Variants in TBX5 observed in about 807,000 individuals in gnomAD.
TBX5 encodes T-box transcription factor TBX5.
TBX5 carries 8 observed loss-of-function variants against 51.1 expected under a neutral mutation model. That is an observed-to-expected ratio of 0.16 (90% CI 0.09 to 0.28). The LOEUF (loss-of-function observed/expected upper bound fraction) is 0.28, where lower values mean the gene tolerates loss of function less well. Among genes scored for constraint, TBX5 ranks in the 10% least tolerant of loss-of-function variants. TBX5 has a pLI of 1.00. For synonymous variants in TBX5, 302 were observed against 266.4 expected, an observed-to-expected ratio of 1.13 and a Z score of -1.30; for missense variants, 589 against 671.7, an observed-to-expected ratio of 0.88 and a Z score of 1.36.
chr12:114,390,959 G>A (rs1327973835), intron 6 of TBX5, among the ~76,000 whole-genome samples: 1 of 152,166 alleles, frequency 6.6e-6, no homozygotes, highest in Non-Finnish European at 1.5e-5. Context: ...TCCAGCCCGA[G>A]ATCACAGCTG....
At chr12:114,408,159 C>G, upstream of TBX5, 1 of 985,366 alleles carries the variant, frequency 1.0e-6, no homozygotes, top group Non-Finnish European at 1.2e-6. Context: ...GGGGCAGCGG[C>G]GGGAGGTAAA....
Position 114,355,891 on chromosome 12 carries a change from T to G in TBX5, c.1198A>C (p.Thr400Pro). 1 of 1,613,756 alleles carries G rather than the reference T, an allele frequency of 6.2e-7. No homozygotes were observed. The highest frequency in any genetic ancestry group is 8.5e-7 in the Non-Finnish European group (1 of 1,180,020). The change falls in exon 9 of 9, where the codon ACG becomes CCG. Residue 400 changes from threonine (T) to proline (P), a missense_variant. Thr to Pro is a conservative substitution (Grantham distance 38). Coordinates refer to ENST00000405440, the MANE Select transcript of TBX5 (RefSeq NM_181486.4). ...CTGTAGGAAGGCATGCTTGGCCACG[T>G]GTTGCAGCTGATGTCCTCTAGGCTG... ...VPSLEDISCN[T>P]WPSMPSYSSC... is the part of the protein sequence containing the mutation.
At chr12:114,399,782 G>C in intron 3 of TBX5, 150 bp from the exon 4 acceptor site, 2 of 1,332,742 alleles carry the variant, frequency 1.5e-6, no homozygotes, top group Non-Finnish European at 2.1e-6. Context: ...GATCCATCCC[G>C]GGTTTCCCTT....
chr12:114,391,107 C>A (rs1159935950), intron 6 of TBX5, among the ~76,000 whole-genome samples: 1 of 152,234 alleles, frequency 6.6e-6, no homozygotes, highest in Non-Finnish European at 1.5e-5. Flanking sequence ...TCTGAAGGCA[C>A]TGGGCCCTTT....
rs945740210 is a variant in TBX5 at position 114,397,322 on chromosome 12, T to A, written c.510+1251A>T. 2.0e-5 allele frequency among the ~76,000 whole-genome samples: 3 copies of A among 152,258 alleles called. No individual in the cohort carries two copies. In the East Asian group the frequency reaches 5.8e-4, roughly 30 times the overall value. On this transcript the variant is annotated intron_variant, in intron 5 of 8. Transcript: ENST00000405440. ...GCTCCCAAATACAAGCTGTAGGACC[T>A]TGACAAGTCACCCCCGTCCCCTGGA... is the stretch of plus-strand genomic sequence containing the variant.
upstream of TBX5, among the ~76,000 whole-genome samples, chr12:114,406,516 G>C (rs1433338324): frequency 6.6e-6 from 1 of 152,052 alleles, no homozygotes; most frequent in East Asian, 1.9e-4. Context: ...TCTCTCCAAC[G>C]CTGACCTCGA....
At position 114,392,971 on chromosome 12, in the gene TBX5, C is replaced by T. The variant is rs563262234; in HGVS notation, c.663+1770G>A. 9.2e-5 allele frequency among the ~76,000 whole-genome samples: 14 copies of T among 152,300 alleles called. No homozygotes were observed. The East Asian group carries it at 2.7e-3, about 29-fold the overall frequency. ...GTTTTCTTTCCGAGGGCAGGAAGCTCTCTCTCGACCTGGGTTCCCAGACAG... is the reference window on the plus strand; with the variant it reads ...GTTTTCTTTCCGAGGGCAGGAAGCTTTCTCTCGACCTGGGTTCCCAGACAG... On this transcript the variant is annotated intron_variant, in intron 6 of 8. Transcript: ENST00000405440.
In TBX5 at chr12:114,385,872, G is replaced by A. The variant is rs139621192; in HGVS notation, c.664-305C>T. On this transcript the variant is annotated intron_variant, in intron 6 of 8. Coordinates refer to ENST00000405440, the MANE Select transcript of TBX5 (RefSeq NM_181486.4). ...TTTTTTTTCCAATCTTGCATTTTGTGTTTTAAACACCATCTAGGCCTCAAT... is the reference window on the plus strand; with the variant it reads ...TTTTTTTTCCAATCTTGCATTTTGTATTTTAAACACCATCTAGGCCTCAAT... Among the ~76,000 whole-genome samples the A allele has an allele frequency of 5.9e-3, 847 of 143,768 alleles. 24 individuals are homozygous for A. The highest frequency in any genetic ancestry group is 1.3e-3 in the Non-Finnish European group (86 of 65,758). 94.3% of individuals were successfully genotyped at this position (143,768 alleles called of 152,430 possible). A position where few individuals can be genotyped will look rare whatever the true frequency, so the allele number is the denominator to read the frequency against.
intron 6 of TBX5, among the ~76,000 whole-genome samples, chr12:114,387,888 G>A (rs989366615): frequency 3.9e-5 from 6 of 152,210 alleles, no homozygotes; most frequent in Non-Finnish European, 8.8e-5. Context: ...CCAGGCTGGA[G>A]TGCTGCAGTG....
chr12:114,371,587 G>GTTTT (rs57151200), intron 7 of TBX5, among the ~76,000 whole-genome samples: 1 of 121,718 alleles, frequency 8.2e-6, no homozygotes, highest in African/African-American at 3.1e-5. Context: ...AGATTTTTGT[G>GTTTT]TTTTTTTTTT....
At chr12:114,384,868 T>C (rs1234166550) in intron 7 of TBX5, among the ~76,000 whole-genome samples, 2 of 152,174 alleles carry the variant, frequency 1.3e-5, no homozygotes, top group African/African-American at 2.4e-5. Flanking sequence ...AAATTGGCAA[T>C]GCTTGTACAA....
At chr12:114,407,048 G>T, upstream of TBX5, 2 of 985,272 alleles carry the variant, frequency 2.0e-6, no homozygotes, top group Non-Finnish European at 2.4e-6. Context: ...AGAGACTTGG[G>T]CCTGCAAGTC....
intron 7 of TBX5, among the ~76,000 whole-genome samples, chr12:114,369,378 C>G (rs1869728966): frequency 6.6e-6 from 1 of 152,192 alleles, no homozygotes; most frequent in African/African-American, 2.4e-5. Flanking sequence ...AACCACTTGT[C>G]CCTCACAGCT....
At chr12:114,396,510 C>T (rs1360462178) in intron 5 of TBX5, among the ~76,000 whole-genome samples, 2 of 152,192 alleles carry the variant, frequency 1.3e-5, no homozygotes, top group African/African-American at 2.4e-5. Context: ...CCGAGCCCCT[C>T]TCCCCAGCTG....
intron 7 of TBX5, among the ~76,000 whole-genome samples, chr12:114,369,994 C>G (rs1423673177): frequency 6.6e-6 from 1 of 152,088 alleles, no homozygotes; most frequent in Non-Finnish European, 1.5e-5. Flanking sequence ...GTGGCTCACA[C>G]CTGTAATTCC....
intron 8 of TBX5, among the ~76,000 whole-genome samples, chr12:114,359,736 T>G (rs1869129632): frequency 6.6e-6 from 1 of 152,214 alleles, no homozygotes; most frequent in Non-Finnish European, 1.5e-5. Context: ...ACAGCTCCAA[T>G]GCTCGCTCGC....
At chr12:114,368,471 A>G (rs1331300424) in intron 7 of TBX5, among the ~76,000 whole-genome samples, 2 of 152,218 alleles carry the variant, frequency 1.3e-5, no homozygotes, top group Non-Finnish European at 2.9e-5. Context: ...CATCCTTTCT[A>G]TGACTCTATG....
intron 5 of TBX5, among the ~76,000 whole-genome samples, chr12:114,396,603 C>A (rs1283728386): frequency 6.6e-6 from 1 of 152,054 alleles, no homozygotes; most frequent in Non-Finnish European, 1.5e-5. Flanking sequence ...CTAGAGAGAC[C>A]CCAAAGGCAC....
At chr12:114,394,993 C>A (rs994569194) in intron 5 of TBX5, 100 bp from the exon 6 acceptor site, 6 of 1,176,272 alleles carry the variant, frequency 5.1e-6, no homozygotes, top group African/African-American at 4.6e-5. Context: ...CTTGTTATAT[C>A]GGCTCTCGAA....
Sources: allele counts gnomAD v4.1 joint callset (sites outside exome capture counted in the v4.1 genomes callset), GRCh38; gene constraint gnomAD v4.1.1; transcripts MANE v1.5; gene names NCBI Gene and HGNC (gene_info 2026-07-23, HGNC 2026-07-21).